The following MAGI2 variants were observed in gnomAD, a reference collection of about 807,000 sequenced individuals.
The protein encoded by MAGI2 is membrane-associated guanylate kinase, WW and PDZ domain-containing protein 2.
Under a neutral mutation model 133.3 loss-of-function variants are expected in MAGI2, and 35 were observed. That is an observed-to-expected ratio of 0.26 (90% CI 0.20 to 0.35). MAGI2 has a LOEUF of 0.35. Ranked by LOEUF, MAGI2 falls within the 10% of genes least tolerant of loss-of-function variation. The pLI, the probability that MAGI2 is intolerant of heterozygous loss-of-function variation, is 1.00. For missense variants in MAGI2, 1,636 were observed against 1,863.4 expected, an observed-to-expected ratio of 0.88 and a Z score of 2.25; for synonymous variants, 729 against 710.6, an observed-to-expected ratio of 1.03 and a Z score of -0.41.
chr7:79,024,734 C>T (rs987225561), intron 1 of MAGI2, among the ~76,000 whole-genome samples: 2 of 151,898 alleles, frequency 1.3e-5, no homozygotes, highest in Non-Finnish European at 2.9e-5. Flanking sequence ...TATGCATGGA[C>T]AACAAGCACA....
intron 1 of MAGI2, among the ~76,000 whole-genome samples, chr7:79,291,176 G>A (rs183757866): frequency 6.6e-6 from 1 of 151,764 alleles, no homozygotes; most frequent in African/African-American, 2.4e-5. Flanking sequence ...ACAATATGTG[G>A]TCTTTTGTGT....
intron 2 of MAGI2, among the ~76,000 whole-genome samples, chr7:78,784,840 C>G (rs1826679064): frequency 6.6e-6 from 1 of 152,154 alleles, no homozygotes; most frequent in South Asian, 2.1e-4. Context: ...CTCTTGTTAA[C>G]CTGTCTTTTG....
intron 6 of MAGI2, among the ~76,000 whole-genome samples, chr7:78,381,855 G>A (rs1385511281): frequency 6.6e-6 from 1 of 152,166 alleles, no homozygotes; most frequent in Non-Finnish European, 1.5e-5. Flanking sequence ...GATGGACAAT[G>A]TGGTACAACC....
At chr7:79,406,680 C>T (rs1470765865) in intron 1 of MAGI2, among the ~76,000 whole-genome samples, 1 of 152,064 alleles carries the variant, frequency 6.6e-6, no homozygotes, top group Non-Finnish European at 1.5e-5. Flanking sequence ...TTTTGAGTTA[C>T]ATAAGGATCT....
rs149808178 is a variant in MAGI2 at position 79,369,555 on chromosome 7, A to G, written c.301+83465T>C. Among the ~76,000 whole-genome samples the G allele has an allele frequency of 6.2e-3, 942 of 152,350 alleles. 4 individuals carry two copies. The highest frequency in any genetic ancestry group is 9.0e-3 in the Non-Finnish European group (615 of 68,032). On this transcript the variant is annotated intron_variant, in intron 1 of 21. Transcript: ENST00000354212. ...TGCTACCAGGAGAAATGAAGACAGT[A>G]GCAGGCATTGAAACTTACCTTTATT...
At chr7:78,122,474 T>C (rs3807721) in intron 20 of MAGI2, among the ~76,000 whole-genome samples, 86,993 of 151,948 alleles carry the variant, frequency 0.57, 25,505 homozygotes, top group African/African-American at 0.71. Context: ...CCAAAGCCCA[T>C]TGCAGGCAGA....
At chr7:78,861,193 G>T (rs561327857) in intron 2 of MAGI2, among the ~76,000 whole-genome samples, 1 of 152,148 alleles carries the variant, frequency 6.6e-6, no homozygotes, top group African/African-American at 2.4e-5. Context: ...TGCACTTCCC[G>T]GGTGAGGCGA....
At chr7:78,344,524 C>T (rs1299831905) in intron 8 of MAGI2, among the ~76,000 whole-genome samples, 2 of 152,114 alleles carry the variant, frequency 1.3e-5, no homozygotes, top group African/African-American at 2.4e-5. Context: ...TGATCACATA[C>T]TCAAAGGTCC....
At chr7:78,240,167 T>C (rs147712369) in intron 10 of MAGI2, among the ~76,000 whole-genome samples, 136 of 152,344 alleles carry the variant, frequency 8.9e-4, no homozygotes, top group Middle Eastern at 3.4e-3. Flanking sequence ...CAGTGTGTGA[T>C]GTTCCCTGCC....
At chr7:78,190,255 A>C (rs1828077610) in intron 12 of MAGI2, among the ~76,000 whole-genome samples, 1 of 152,186 alleles carries the variant, frequency 6.6e-6, no homozygotes, top group Non-Finnish European at 1.5e-5. Context: ...TTGGCTACTA[A>C]CACAAGTCAC....
intron 1 of MAGI2, chr7:79,414,108 T>C (rs547159601): frequency 5.3e-5 from 8 of 152,304 alleles, no homozygotes; most frequent in Admixed American, 5.2e-4. Context: ...TACTACATGA[T>C]ACACTGCCTT....
chr7:78,638,792 A>G (rs183287313), intron 2 of MAGI2, among the ~76,000 whole-genome samples: 14 of 152,268 alleles, frequency 9.2e-5, no homozygotes, highest in Non-Finnish European at 1.9e-4. Context: ...TTATTTTTGA[A>G]CTTCTGATTT....
chr7:78,695,882 C>T (rs1817460793), intron 2 of MAGI2, among the ~76,000 whole-genome samples: 1 of 152,160 alleles, frequency 6.6e-6, no homozygotes, highest in Non-Finnish European at 1.5e-5. Flanking sequence ...TTCTCTTATC[C>T]TAGTTTTTAA....
intron 3 of MAGI2, among the ~76,000 whole-genome samples, chr7:78,595,372 T>A (rs1433760979): frequency 6.6e-6 from 1 of 152,180 alleles, no homozygotes; most frequent in Admixed American, 6.5e-5. Context: ...TTCAAGAAAT[T>A]GTACTGTTTT....
At chr7:78,587,385 A>G (rs1803539713) in intron 3 of MAGI2, among the ~76,000 whole-genome samples, 1 of 152,208 alleles carries the variant, frequency 6.6e-6, no homozygotes, top group South Asian at 2.1e-4. Context: ...GAGCACTTAC[A>G]GCTATTTGTT....
At chr7:79,201,314 C>T (rs1303461112) in intron 1 of MAGI2, among the ~76,000 whole-genome samples, 2 of 152,004 alleles carry the variant, frequency 1.3e-5, no homozygotes, top group African/African-American at 4.8e-5. Context: ...ATTAACATAG[C>T]ATTCACCTTG....
At chr7:78,236,597 C>T (rs1195944825) in intron 10 of MAGI2, among the ~76,000 whole-genome samples, 1 of 152,130 alleles carries the variant, frequency 6.6e-6, no homozygotes, top group Non-Finnish European at 1.5e-5. Flanking sequence ...TCCACTAGAA[C>T]AATTACTTAC....
At chr7:78,340,414 C>A (rs1260068067) in intron 9 of MAGI2, among the ~76,000 whole-genome samples, 1 of 152,072 alleles carries the variant, frequency 6.6e-6, no homozygotes, top group Non-Finnish European at 1.5e-5. Flanking sequence ...TGAAACTATT[C>A]CAAACAATAG....
chr7:78,186,342 G>C (rs1305906001), intron 12 of MAGI2, among the ~76,000 whole-genome samples: 1 of 152,076 alleles, frequency 6.6e-6, no homozygotes, highest in Non-Finnish European at 1.5e-5. Context: ...CAACCTGGTT[G>C]CATACTGGGT....
Sources: allele counts gnomAD v4.1 joint callset (sites outside exome capture counted in the v4.1 genomes callset), GRCh38; gene constraint gnomAD v4.1.1; transcripts MANE v1.5; gene names NCBI Gene and HGNC (gene_info 2026-07-23, HGNC 2026-07-21).